SEC14L2: variants seen among roughly 807,000 people sequenced by gnomAD.
SEC14L2 encodes SEC14-like protein 2.
SEC14L2 carries 50 observed loss-of-function variants against 56.9 expected under a neutral mutation model. The ratio of observed to expected loss-of-function variants is 0.88; its 90% confidence interval spans 0.70 to 1.11. The LOEUF is 1.11. Ranked by LOEUF, SEC14L2 falls within the 50% of genes most tolerant of loss-of-function variation. SEC14L2 has a pLI of 0.00. For missense variants in SEC14L2, 414 were observed against 500.7 expected, an observed-to-expected ratio of 0.83 and a Z score of 1.65; for synonymous variants, 179 against 188.5, an observed-to-expected ratio of 0.95 and a Z score of 0.41.
In SEC14L2 at chr22:30,404,581, C is replaced by A. The variant is rs141299764; in HGVS notation, c.131-1761C>A. The stretch of plus-strand genomic sequence containing the variant: ...TCATAGGTCAGATGGCAAAATTGAT[C>A]TGAATCTGGATCTCAAAACTCTTTG... On this transcript the variant is annotated intron_variant, in intron 2 of 11. Coordinates refer to ENST00000615189, the MANE Select transcript of SEC14L2 (RefSeq NM_012429.5). 1.6e-3 allele frequency among the ~76,000 whole-genome samples: 243 copies of A among 152,258 alleles called. 1 individual carries two copies. Among genetic ancestry groups the A allele is most frequent in the African/African-American group, 5.4e-3 (225 of 41,548 alleles).
chr22:30,399,243 G>T lies in SEC14L2; in HGVS notation c.55-400G>T, dbSNP rs761658969. Among the ~76,000 whole-genome samples, 4 of 152,224 alleles carry T rather than the reference G, an allele frequency of 2.6e-5. No individual in the cohort carries two copies. The South Asian group carries it at 8.3e-4, about 32-fold the overall frequency. ...TAAAGAGAAGTCCAGTTGGCCGGGC[G>T]TGGGGGTTCATGCCTGTAATCCCAG... is the stretch of plus-strand genomic sequence containing the variant. On this transcript the variant is annotated intron_variant, in intron 1 of 11. Transcript: ENST00000615189.
At position 30,423,968 on chromosome 22, in the gene SEC14L2, A is replaced by T. The variant is rs935142625; in HGVS notation, c.*1561A>T. ...GCCAATAGATAGGGCGCATGCGCAG[A>T]AATCCTCCTCGGCTCTCTAGCGTGA... On this transcript the variant is annotated 3_prime_UTR_variant, in exon 12 of 12. Transcript: ENST00000615189. 1.3e-5 allele frequency: 2 copies of T among 152,312 alleles called. No individual in the cohort carries two copies. The highest frequency in any genetic ancestry group is 1.5e-5 in the Non-Finnish European group (1 of 68,070). The allele number at this position is 152,312 out of a possible 1,614,324, so 9.4% of individuals were successfully genotyped here.
chr22:30,418,921 C>T (rs1934449568), intron 11 of SEC14L2, among the ~76,000 whole-genome samples: 1 of 152,204 alleles, frequency 6.6e-6, no homozygotes, highest in Admixed American at 6.5e-5. Flanking sequence ...CTTCTCTGGT[C>T]CTTATCCCAG....
chr22:30,409,584 G>T, intron 7 of SEC14L2, 98 bp downstream of exon 7: 1 of 1,142,818 alleles, frequency 8.8e-7, no homozygotes, highest in Non-Finnish European at 1.3e-6. Flanking sequence ...CAAAAGAGGG[G>T]GTCTGAGGAC....
At chr22:30,397,493 G>A (rs1378056471) in intron 1 of SEC14L2, 3 of 382,410 alleles carry the variant, frequency 7.8e-6, no homozygotes, top group Non-Finnish European at 1.4e-5. Flanking sequence ...ACTGGCAGCC[G>A]GGCCCTGGGG....
At chr22:30,406,308 C>T (rs200574809) in intron 2 of SEC14L2, 34 bp from the exon 3 acceptor site, 19 of 1,612,938 alleles carry the variant, frequency 1.2e-5, no homozygotes, top group Non-Finnish European at 5.1e-6. Flanking sequence ...GTCCTGCTAA[C>T]CTAACCCTGA....
At chr22:30,407,335 TG>T in intron 4 of SEC14L2, 79 bp from the exon 5 acceptor site, 1 of 1,528,242 alleles carries the variant, frequency 6.5e-7, no homozygotes, top group Non-Finnish European at 9.0e-7. Flanking sequence ...AAGATACTGA[TG>T]AACCTGGAGT....
At chr22:30,401,050 T>C (rs1310292990) in intron 2 of SEC14L2, among the ~76,000 whole-genome samples, 1 of 150,366 alleles carries the variant, frequency 6.7e-6, no homozygotes, top group Admixed American at 6.6e-5. Context: ...TAGAATCATA[T>C]CCTAAAATAT....
rs963925390 is a variant in SEC14L2, at chr22:30,424,101, A to T, written c.*1694A>T. 1 of 153,172 alleles carries T rather than the reference A, an allele frequency of 6.5e-6. No homozygotes were observed. Among genetic ancestry groups the T allele is most frequent in the Non-Finnish European group, 1.5e-5 (1 of 68,696 alleles). The allele number at this position is 153,172 out of a possible 1,614,324, so 9.5% of individuals were successfully genotyped here. On this transcript the variant is annotated 3_prime_UTR_variant, in exon 12 of 12. Transcript: ENST00000615189. ...TAAGGATGCTCCCCACGGCCTTCAC[A>T]GTGACGGCGGAGACCCTGCCCCGCC... is the stretch of plus-strand genomic sequence containing the variant.
intron 1 of SEC14L2, chr22:30,398,834 C>G (rs1183721274): frequency 4.3e-6 from 2 of 467,602 alleles, no homozygotes; most frequent in African/African-American, 4.0e-5. Flanking sequence ...CATCCCAACT[C>G]TGCTAATGAC....
At chr22:30,420,290 T>C (rs780402890) in intron 11 of SEC14L2, among the ~76,000 whole-genome samples, 2 of 152,198 alleles carry the variant, frequency 1.3e-5, no homozygotes, top group East Asian at 1.9e-4. Flanking sequence ...AGGGGGTCAG[T>C]TACCCAACTA....
chr22:30,402,426 G>A (rs1933965537), intron 2 of SEC14L2, among the ~76,000 whole-genome samples: 1 of 152,118 alleles, frequency 6.6e-6, no homozygotes, highest in South Asian at 2.1e-4. Context: ...CATACTTCAG[G>A]CACACCCTAC....
At chr22:30,405,822 G>A (rs1934076949) in intron 2 of SEC14L2, among the ~76,000 whole-genome samples, 2 of 152,054 alleles carry the variant, frequency 1.3e-5, no homozygotes, top group Admixed American at 6.6e-5. Flanking sequence ...GACTAGAGGT[G>A]CATGCCACCA....
At chr22:30,402,246 A>C (rs1933959874) in intron 2 of SEC14L2, among the ~76,000 whole-genome samples, 1 of 152,142 alleles carries the variant, frequency 6.6e-6, no homozygotes, top group Non-Finnish European at 1.5e-5. Flanking sequence ...GAGTGGGAAG[A>C]TAGTAGCCTT....
intron 1 of SEC14L2, chr22:30,397,997 T>A (rs1173874615): frequency 1.2e-5 from 5 of 411,276 alleles, no homozygotes; most frequent in Non-Finnish European, 2.5e-5. Flanking sequence ...GGCTCTTCTC[T>A]GGGCAAGAGC....
chr22:30,413,896 T>C (rs897777976), intron 8 of SEC14L2, among the ~76,000 whole-genome samples: 6 of 151,936 alleles, frequency 3.9e-5, no homozygotes, highest in Non-Finnish European at 8.8e-5. Flanking sequence ...TGGAGTACAG[T>C]GGCGTGATCA....
At chr22:30,414,056 C>T (rs1450119553) in intron 8 of SEC14L2, among the ~76,000 whole-genome samples, 1 of 152,062 alleles carries the variant, frequency 6.6e-6, no homozygotes, top group African/African-American at 2.4e-5. Flanking sequence ...ATCTTGAACT[C>T]CTGGGATCAA....
At position 30,415,948 on chromosome 22, in the gene SEC14L2, A is replaced by T. The variant is rs1242540682; in HGVS notation, c.772A>T (p.Ile258Phe). 6.2e-7 allele frequency: 1 copy of T among 1,614,056 alleles called. No individual in the cohort carries two copies. Among genetic ancestry groups the T allele is most frequent in the Non-Finnish European group, 8.5e-7 (1 of 1,180,020 alleles). Reference protein sequence around the residue: ...PDGNPKCKSKINYGGDIPRKY... With the variant: ...PDGNPKCKSKFNYGGDIPRKY... ...AGTTCACTCCATGCCATGCTTCTAGATCAACTACGGGGGTGACATCCCCAG... is the reference window on the plus strand; with the variant it reads ...AGTTCACTCCATGCCATGCTTCTAGTTCAACTACGGGGGTGACATCCCCAG... Residue 258 changes from isoleucine (I) to phenylalanine (F), a missense_variant and splice_region_variant, in exon 10 of 12, where the codon ATC becomes TTC. Coordinates refer to ENST00000615189, the MANE Select transcript of SEC14L2 (RefSeq NM_012429.5).
intron 7 of SEC14L2, among the ~76,000 whole-genome samples, chr22:30,409,892 T>C (rs1388825446): frequency 6.0e-5 from 9 of 149,246 alleles, no homozygotes; most frequent in Admixed American, 5.3e-4. Context: ...GGAGCAAGTC[T>C]CCATCTCAAA....
Sources: gnomAD v4.1 joint callset for allele counts (sites outside exome capture counted in the v4.1 genomes callset) on GRCh38, gnomAD v4.1.1 for gene constraint, MANE v1.5 for transcripts, NCBI Gene and HGNC (gene_info 2026-07-23, HGNC 2026-07-21) for gene names.